The following PEBP4 variants were observed in gnomAD, a reference collection of about 807,000 sequenced individuals.
The protein encoded by PEBP4 is phosphatidylethanolamine binding protein 4.
In PEBP4, 22 loss-of-function variants were observed where a neutral mutation model predicts 23.9. The ratio of observed to expected loss-of-function variants is 0.92; its 90% CI spans 0.66 to 1.31. The LOEUF (loss-of-function observed/expected upper bound fraction) is 1.31, where lower values mean the gene tolerates loss of function less well. Among genes scored for constraint, PEBP4 ranks in the 40% most tolerant of loss-of-function variants. PEBP4 has a pLI of 0.00. For synonymous variants in PEBP4, 112 were observed against 99.3 expected, an observed-to-expected ratio of 1.13 and a Z score of -0.76; for missense variants, 324 against 281.7, an observed-to-expected ratio of 1.15 and a Z score of -1.07.
rs1446934751 is a variant in PEBP4 at position 22,865,072 on chromosome 8, A to G, written c.259-47337T>C. ...GGTAGGTCACCAGGCGGGGACCTGC[A>G]GGGCCAGACGCCGAGCCCTGGATGC... On this transcript the variant is annotated intron_variant, in intron 3 of 6. Coordinates refer to ENST00000256404, the MANE Select transcript of PEBP4 (RefSeq NM_144962.3). This position sits in a 1 kb window ranked among gnomAD's most constrained non-coding sequence, Gnocchi z 6.9. Among the ~76,000 whole-genome samples, 1 of 152,126 alleles carries G rather than the reference A, an allele frequency of 6.6e-6. No individual in the cohort carries two copies. Among genetic ancestry groups the G allele is most frequent in the Non-Finnish European group, 1.5e-5 (1 of 68,002 alleles).
intron 2 of PEBP4, 69 bp from the exon 3 acceptor site, chr8:22,920,379 G>T (rs945285746): frequency 6.6e-7 from 1 of 1,509,790 alleles, no homozygotes; most frequent in African/African-American, 1.4e-5. Flanking sequence ...CAAGGCTTCA[G>T]TCTAGCACTA....
chr8:22,843,115 A>G (rs1585302563), intron 3 of PEBP4, among the ~76,000 whole-genome samples: 1 of 152,160 alleles, frequency 6.6e-6, no homozygotes, highest in African/African-American at 2.4e-5. Flanking sequence ...GGTGCGTGCC[A>G]CCATGCCCAG....
intron 1 of PEBP4, among the ~76,000 whole-genome samples, chr8:22,933,692 T>C (rs1050125928): frequency 6.6e-6 from 1 of 152,172 alleles, no homozygotes; most frequent in African/African-American, 2.4e-5. Context: ...CAGGTTGAAA[T>C]GAAAAGATGA....
At chr8:22,916,147 C>G (rs1214141583) in intron 3 of PEBP4, among the ~76,000 whole-genome samples, 4 of 152,150 alleles carry the variant, frequency 2.6e-5, no homozygotes, top group South Asian at 4.1e-4. Flanking sequence ...ACCGAGGCAG[C>G]CTTTTGTTCC....
chr8:22,799,227 T>A (rs1806332920), intron 4 of PEBP4, among the ~76,000 whole-genome samples: 1 of 152,198 alleles, frequency 6.6e-6, no homozygotes, highest in Admixed American at 6.5e-5. Context: ...TCACTTTCTG[T>A]CATTGTGCGG....
chr8:22,902,684 A>C (rs1808735307), intron 3 of PEBP4, among the ~76,000 whole-genome samples: 1 of 152,206 alleles, frequency 6.6e-6, no homozygotes, highest in Non-Finnish European at 1.5e-5. Context: ...CTGTCTCTGC[A>C]AACTTCCCCA....
At chr8:22,767,347 T>A (rs1426778464) in intron 4 of PEBP4, among the ~76,000 whole-genome samples, 1 of 152,088 alleles carries the variant, frequency 6.6e-6, no homozygotes, top group East Asian at 1.9e-4. Flanking sequence ...AAAAATAAAG[T>A]GCTGTGGTTT....
intron 3 of PEBP4, among the ~76,000 whole-genome samples, chr8:22,849,937 G>A (rs1323145921): frequency 6.6e-6 from 1 of 152,062 alleles, no homozygotes; most frequent in African/African-American, 2.4e-5. Context: ...GGCACATGTG[G>A]GCATTTGGTA....
At chr8:22,776,852 G>C (rs1805824657) in intron 4 of PEBP4, among the ~76,000 whole-genome samples, 1 of 150,638 alleles carries the variant, frequency 6.6e-6, no homozygotes, top group Non-Finnish European at 1.5e-5. Context: ...GCGCTGAAGT[G>C]AAGCCTGCGG....
chr8:22,721,989 G>A (rs147591385), intron 6 of PEBP4, among the ~76,000 whole-genome samples: 14 of 152,210 alleles, frequency 9.2e-5, no homozygotes, highest in South Asian at 2.1e-4. Flanking sequence ...CGACCCCTCT[G>A]GTGGTGTCCT....
intron 6 of PEBP4, among the ~76,000 whole-genome samples, chr8:22,717,881 C>T (rs1804446604): frequency 6.6e-6 from 1 of 152,158 alleles, no homozygotes; most frequent in South Asian, 2.1e-4. Context: ...ATTTGTCTGG[C>T]TCGTCACGGG....
At chr8:22,766,218 C>T (rs1407518197) in intron 4 of PEBP4, among the ~76,000 whole-genome samples, 2 of 152,232 alleles carry the variant, frequency 1.3e-5, no homozygotes, top group Non-Finnish European at 2.9e-5. Context: ...ATGTGTGCTT[C>T]AGGGTCGGGT....
chr8:22,937,907 TG>T (rs1809560898), intron 1 of PEBP4, among the ~76,000 whole-genome samples: 2 of 152,124 alleles, frequency 1.3e-5, no homozygotes, highest in Admixed American at 6.6e-5. Context: ...GGTGGATCCT[TG>T]CTTTACACCA....
intron 3 of PEBP4, among the ~76,000 whole-genome samples, chr8:22,842,100 C>T (rs1385334635): frequency 2.6e-5 from 4 of 152,244 alleles, no homozygotes; most frequent in South Asian, 2.1e-4. Flanking sequence ...CTAGAGCAAA[C>T]TCTTGACACT....
chr8:22,743,641 G>A (rs1192223354), intron 4 of PEBP4, among the ~76,000 whole-genome samples: 1 of 152,076 alleles, frequency 6.6e-6, no homozygotes, highest in Non-Finnish European at 1.5e-5. Context: ...TAGGTCAATG[G>A]CTGACAACAA....
chr8:22,716,464 G>A (rs28627327), intron 6 of PEBP4, among the ~76,000 whole-genome samples: 8,564 of 152,292 alleles, frequency 0.056, 327 homozygotes, highest in African/African-American at 0.1. Context: ...TAGGCTCTAG[G>A]GGGGAAAGAT....
chr8:22,914,050 C>T (rs951731417), intron 3 of PEBP4, among the ~76,000 whole-genome samples: 15 of 149,272 alleles, frequency 1.0e-4, no homozygotes, highest in Non-Finnish European at 1.5e-4. Context: ...TATAGTGGCG[C>T]GATCTAGGCT....
rs62494990 is a variant in PEBP4, at chr8:22,768,608, C to T, written c.358-41388G>A. Among the ~76,000 whole-genome samples the T allele has an allele frequency of 9.4e-3, 1,429 of 152,238 alleles. 11 individuals are homozygous for T. Among genetic ancestry groups the T allele is most frequent in the Middle Eastern group, 0.024 (7 of 294 alleles). On this transcript the variant is annotated intron_variant, in intron 4 of 6. Coordinates refer to ENST00000256404, the MANE Select transcript of PEBP4 (RefSeq NM_144962.3). The stretch of plus-strand genomic sequence containing the variant: ...CCTTCGGTTGCCAAGGAAACAGTGA[C>T]GCAGCCTCGGGTGGGGCCTCGGCCC...
intron 6 of PEBP4, among the ~76,000 whole-genome samples, chr8:22,719,116 C>T (rs751538380): frequency 1.3e-5 from 2 of 152,150 alleles, no homozygotes; most frequent in African/African-American, 2.4e-5. Context: ...TCTGAGCTGC[C>T]GAATTTGGGT....
Sources: gnomAD v4.1 joint callset for allele counts (sites outside exome capture counted in the v4.1 genomes callset) on GRCh38, gnomAD v4.1.1 for gene constraint, Gnocchi (gnomAD v3.1) non-coding constraint, MANE v1.5 for transcripts, NCBI Gene and HGNC (gene_info 2026-07-23, HGNC 2026-07-21) for gene names.